PPP2R2D: variants seen among roughly 807,000 people sequenced by gnomAD.
PPP2R2D encodes the protein protein phosphatase 2 regulatory subunit Bdelta.
A neutral mutation model predicts 31.1 loss-of-function variants in PPP2R2D; 9 were observed. The observed-to-expected ratio is 0.29, with a 90% CI of 0.17 to 0.51. The LOEUF (loss-of-function observed/expected upper bound fraction) is 0.51. PPP2R2D is among the 20% of genes least tolerant of loss of function. The pLI, the probability that PPP2R2D is intolerant of heterozygous loss-of-function variation, is 0.98. For synonymous variants in PPP2R2D, 179 were observed against 172.6 expected (o/e 1.04, Z -0.29); for missense variants, 391 against 465.6 (o/e 0.84, Z 1.48).
At position 131,940,110 on chromosome 10, in the gene PPP2R2D, T is replaced by G; in HGVS notation, c.278T>G (p.Leu93Trp). 1 of 779,142 alleles carries G rather than the reference T, an allele frequency of 1.3e-6. No individual in the cohort carries two copies. The allele number at this position is 779,142 out of a possible 1,614,324, so 48.3% of individuals were successfully genotyped here. A position where few individuals can be genotyped will look rare whatever the true frequency, so the allele number is the denominator to read the frequency against. ...FQSHEPEFDY[L>W]KSLEIEEKIN... ...AGTCATGAACCGGAGTTTGACTATT[T>G]GAAAAGTCTAGAAATTGAGGAAAAA... Residue 93 changes from leucine (L) to tryptophan (W), a missense_variant, in exon 4 of 9, where the codon TTG becomes TGG. Transcript: ENST00000455566.
chr10:131,942,517 G>A (rs1554897366), intron 5 of PPP2R2D, among the ~76,000 whole-genome samples: 2 of 152,150 alleles, frequency 1.3e-5, no homozygotes, highest in Non-Finnish European at 2.9e-5. Context: ...ACATGTTGCT[G>A]TTTTTAAATT....
In PPP2R2D at chr10:131,932,668, A is replaced by AAAAAAAAAAAAAC. The variant is rs1564817994; in HGVS notation, c.101-1790_101-1789insAAAAAAAAAAAAC. 4.7e-5 allele frequency among the ~76,000 whole-genome samples: 6 copies of AAAAAAAAAAAAAC among 126,550 alleles called. No homozygotes were observed. The South Asian group carries it at 1.4e-3, about 30-fold the overall frequency. The allele number at this position is 126,550 out of a possible 152,430, so 83.0% of individuals were successfully genotyped here. On this transcript the variant is annotated intron_variant, in intron 2 of 8. Coordinates refer to ENST00000455566, the MANE Select transcript of PPP2R2D (RefSeq NM_018461.5). ...TCTCAAAAAAAAAAAAAAAAAAAAA[A>AAAAAAAAAAAAAC]CACACAAAAAAAACCTAACTTGGTG... is the stretch of plus-strand genomic sequence containing the variant.
At chr10:131,904,164 A>T (rs1444430726) in intron 2 of PPP2R2D, among the ~76,000 whole-genome samples, 1 of 145,054 alleles carries the variant, frequency 6.9e-6, no homozygotes, top group Admixed American at 7.1e-5. Flanking sequence ...AGATGGTGCC[A>T]TTGCACTCCA....
intron 2 of PPP2R2D, among the ~76,000 whole-genome samples, chr10:131,932,884 T>G (rs1416968380): frequency 2.6e-5 from 4 of 152,056 alleles, no homozygotes; most frequent in Non-Finnish European, 4.4e-5. Context: ...TTAATGAAAC[T>G]TCCCAGCACC....
the PPP2R2D span, chr10:131,970,282 C>T: frequency 3.8e-6 from 1 of 263,884 alleles, no homozygotes; most frequent in Non-Finnish European, 7.2e-6. This position sits in a 1 kb window ranked among gnomAD's most constrained non-coding sequence, Gnocchi z 4.1. Context: ...CCACCTACAG[C>T]AGAGCTGGGT....
At position 131,909,523 on chromosome 10, in the gene PPP2R2D, C is replaced by G. The variant is rs1043577127; in HGVS notation, c.100+8193C>G. ...TCTTAGACTTTCAGGCCATCCTGTC[C>G]CTGTTGCAACGACTGAATTCAACTC... On this transcript the variant is annotated intron_variant, in intron 2 of 8. Transcript: ENST00000455566. 7.6e-3 allele frequency among the ~76,000 whole-genome samples: 1,162 copies of G among 152,218 alleles called. 12 individuals carry two copies. Among genetic ancestry groups the G allele is most frequent in the African/African-American group, 0.027 (1,112 of 41,532 alleles).
intron 3 of PPP2R2D, among the ~76,000 whole-genome samples, chr10:131,935,319 T>G (rs2036318717): frequency 6.6e-6 from 1 of 152,240 alleles, no homozygotes; most frequent in Non-Finnish European, 1.5e-5. Flanking sequence ...CTTTTCCTTA[T>G]AAATACAGTC....
chr10:131,910,106 G>A (rs944909785), intron 2 of PPP2R2D, among the ~76,000 whole-genome samples: 2 of 152,314 alleles, frequency 1.3e-5, no homozygotes, highest in African/African-American at 2.4e-5. Flanking sequence ...GGCTCTTAGC[G>A]ATGCACCATA....
In PPP2R2D at chr10:131,956,767, A is replaced by G. The variant is rs1204145803; in HGVS notation, c.*804A>G. ...TCTGGGAAAAGCCAGAACCGAGGCC[A>G]CCTCTGAGAAAGAAAATTGCAAGGA... On this transcript the variant is annotated 3_prime_UTR_variant, in exon 9 of 9. Transcript: ENST00000455566. 1.0e-5 allele frequency: 2 copies of G among 197,070 alleles called. No homozygotes were observed. The highest frequency in any genetic ancestry group is 6.5e-5 in the Admixed American group (1 of 15,320). 12.2% of individuals were successfully genotyped at this position (197,070 alleles called of 1,614,324 possible).
At chr10:131,933,783 T>G (rs782726993) in intron 2 of PPP2R2D, among the ~76,000 whole-genome samples, 2 of 152,156 alleles carry the variant, frequency 1.3e-5, no homozygotes, top group African/African-American at 2.4e-5. Flanking sequence ...ACCTGAGGAC[T>G]TTCTCACTGC....
At chr10:131,944,879 C>T (rs2036506577) in intron 6 of PPP2R2D, among the ~76,000 whole-genome samples, 1 of 152,144 alleles carries the variant, frequency 6.6e-6, no homozygotes, top group African/African-American at 2.4e-5. Flanking sequence ...CTCTTCATGT[C>T]AGGAAGAGCA....
intron 2 of PPP2R2D, among the ~76,000 whole-genome samples, chr10:131,904,349 A>G (rs2035549169): frequency 6.6e-6 from 1 of 152,116 alleles, no homozygotes; most frequent in Non-Finnish European, 1.5e-5. Context: ...GTCTCTACTA[A>G]AAATACAAAA....
At chr10:131,920,663 C>T (rs2119816683) in intron 2 of PPP2R2D, among the ~76,000 whole-genome samples, 1 of 152,336 alleles carries the variant, frequency 6.6e-6, no homozygotes, top group Middle Eastern at 3.4e-3. Context: ...CACAGTATCT[C>T]ACGCCTGTAA....
intron 2 of PPP2R2D, among the ~76,000 whole-genome samples, chr10:131,904,509 CAA>C (rs1199167210): frequency 1.4e-5 from 2 of 143,086 alleles, no homozygotes; most frequent in African/African-American, 2.6e-5. Flanking sequence ...GACTTTGTCT[CAA>C]AAAAAAAAAG....
At chr10:131,915,664 G>A (rs892066483) in intron 2 of PPP2R2D, among the ~76,000 whole-genome samples, 15 of 152,188 alleles carry the variant, frequency 9.9e-5, no homozygotes, top group South Asian at 2.1e-4. Context: ...GACAGAGGCC[G>A]ATGGGGAATT....
chr10:131,927,504 A>T (rs1169194005), intron 2 of PPP2R2D, among the ~76,000 whole-genome samples: 1 of 152,152 alleles, frequency 6.6e-6, no homozygotes, highest in Non-Finnish European at 1.5e-5. Context: ...GCCTGAAGTC[A>T]GCGGGATGAT....
intron 8 of PPP2R2D, among the ~76,000 whole-genome samples, chr10:131,955,276 T>C (rs1554899714): frequency 6.6e-6 from 1 of 152,218 alleles, no homozygotes; most frequent in African/African-American, 2.4e-5. Flanking sequence ...AAAGAAACAT[T>C]GACAGATATG....
the PPP2R2D span, chr10:131,970,325 ACTG>A: frequency 5.5e-5 from 22 of 399,956 alleles, no homozygotes; most frequent in African/African-American, 4.1e-4. The surrounding 1 kb of genome is among the most constrained non-coding windows in gnomAD (Gnocchi z 4.1). Context: ...CAGAAATGAG[ACTG>A]CTTTCACCTA....
chr10:131,953,035 GCA>G, intron 8 of PPP2R2D, among the ~76,000 whole-genome samples: 2 of 139,014 alleles, frequency 1.4e-5, no homozygotes, highest in Middle Eastern at 3.9e-3. Flanking sequence ...TTGCGGGTGT[GCA>G]GGGGGTTTCA....
Sources: allele counts gnomAD v4.1 joint callset (sites outside exome capture counted in the v4.1 genomes callset), GRCh38; gene constraint gnomAD v4.1.1; non-coding constraint Gnocchi (gnomAD v3.1); transcripts MANE v1.5; gene names NCBI Gene and HGNC (gene_info 2026-07-23, HGNC 2026-07-21).